The following VTI1A variants were observed in gnomAD, a reference collection of about 807,000 sequenced individuals.
The protein encoded by VTI1A is vesicle transport through interaction with t-SNAREs 1A, also known as vesicle transport through interaction with t-SNAREs homolog 1A.
In VTI1A, 22 loss-of-function variants were observed where a neutral mutation model predicts 34.9. The ratio of observed to expected loss-of-function variants is 0.63; its 90% CI spans 0.45 to 0.90. VTI1A has a LOEUF of 0.90. Ranked by LOEUF, VTI1A falls within the 40% of genes least tolerant of loss-of-function variation. VTI1A has a pLI of 0.00. For synonymous variants in VTI1A, 87 were observed against 97.3 expected (o/e 0.89, Z 0.62); for missense variants, 268 against 275.6 (o/e 0.97, Z 0.20).
the VTI1A span, among the ~76,000 whole-genome samples, chr10:112,834,826 A>T: frequency 6.6e-6 from 1 of 152,182 alleles, no homozygotes. Context: ...GTTGGACTAA[A>T]ATAGCAAATG....
intron 5 of VTI1A, among the ~76,000 whole-genome samples, chr10:112,587,773 G>C (rs189634965): frequency 6.6e-6 from 1 of 152,100 alleles, no homozygotes; most frequent in East Asian, 1.9e-4. Context: ...TTTTCATAAA[G>C]GTTTTTTCCC....
At chr10:112,551,173 A>AG (rs1205362530) in intron 5 of VTI1A, among the ~76,000 whole-genome samples, 1 of 142,132 alleles carries the variant, frequency 7.0e-6, no homozygotes, top group East Asian at 2.2e-4. Context: ...GAACCCGGCG[A>AG]GCGGAGCTTG....
chr10:112,468,944 TG>T (rs532558175), intron 3 of VTI1A, among the ~76,000 whole-genome samples: 37 of 152,324 alleles, frequency 2.4e-4, no homozygotes, highest in Admixed American at 1.2e-3. Context: ...AAAGCCTTCA[TG>T]GTTTCTCTAT....
chr10:112,554,343 A>G (rs1480715264), intron 5 of VTI1A, among the ~76,000 whole-genome samples: 1 of 152,212 alleles, frequency 6.6e-6, no homozygotes, highest in African/African-American at 2.4e-5. Flanking sequence ...GGAATCCTGG[A>G]ACAGAAAAAG....
At chr10:112,657,835 A>G (rs978204779) in intron 5 of VTI1A, among the ~76,000 whole-genome samples, 3 of 150,140 alleles carry the variant, frequency 2.0e-5, no homozygotes, top group Admixed American at 1.3e-4. Flanking sequence ...GTGTGTATAT[A>G]TATGCCTTAA....
chr10:112,612,683 C>T (rs1045762005), intron 5 of VTI1A, among the ~76,000 whole-genome samples: 5 of 152,156 alleles, frequency 3.3e-5, no homozygotes, highest in Non-Finnish European at 5.9e-5. Context: ...CTCAGCCTCC[C>T]AAAGCACTGG....
intron 7 of VTI1A, among the ~76,000 whole-genome samples, chr10:112,673,960 T>C (rs1397632221): frequency 6.6e-6 from 1 of 152,214 alleles, no homozygotes; most frequent in Non-Finnish European, 1.5e-5. Flanking sequence ...CTCCTTCATT[T>C]TGCCCAGGAA....
rs199564549 is a variant in VTI1A, at chr10:112,668,201, A to C, written c.428-17A>C. The C allele has an allele frequency of 6.2e-7, 1 of 1,610,782 alleles. No individual in the cohort carries two copies. Among genetic ancestry groups the C allele is most frequent in the African/African-American group, 1.3e-5 (1 of 74,750 alleles). On this transcript the variant is annotated splice_polypyrimidine_tract_variant and intron_variant, in intron 5 of 7. Transcript: ENST00000393077. ...ACTCCAAGTCATTTTTCCTCACTCA[A>C]ATTTTCTTTTCCGTAGAGCAAATTG...
chr10:112,581,349 G>A (rs1843928054), intron 5 of VTI1A, among the ~76,000 whole-genome samples: 1 of 152,140 alleles, frequency 6.6e-6, no homozygotes, highest in African/African-American at 2.4e-5. Context: ...AGGCCTTGTG[G>A]TTTCCCACGC....
At chr10:112,654,994 A>G (rs1847175974) in intron 5 of VTI1A, among the ~76,000 whole-genome samples, 1 of 152,226 alleles carries the variant, frequency 6.6e-6, no homozygotes, top group South Asian at 2.1e-4. Context: ...TTACAAAAAC[A>G]GGCCACAGGC....
chr10:112,494,174 T>C (rs926928772), intron 3 of VTI1A, among the ~76,000 whole-genome samples: 2 of 152,154 alleles, frequency 1.3e-5, no homozygotes, highest in East Asian at 1.9e-4. Context: ...TTTTATAATT[T>C]ATAGATTTCT....
intron 1 of VTI1A, among the ~76,000 whole-genome samples, chr10:112,458,698 G>A (rs974280780): frequency 6.0e-5 from 9 of 150,362 alleles, no homozygotes; most frequent in East Asian, 3.9e-4. Context: ...ACAGAGTCCC[G>A]CACTGTTGCC....
intron 5 of VTI1A, among the ~76,000 whole-genome samples, chr10:112,573,934 T>TC (rs1225722867): frequency 5.3e-5 from 8 of 152,168 alleles, no homozygotes; most frequent in African/African-American, 1.7e-4. Context: ...TACTTTGTCT[T>TC]CCCCCAGAAG....
At chr10:112,589,018 CTTTTTTTT>C (rs3057340) in intron 5 of VTI1A, among the ~76,000 whole-genome samples, 1 of 129,268 alleles carries the variant, frequency 7.7e-6, no homozygotes, top group East Asian at 2.3e-4. Flanking sequence ...GACTCCTTGT[CTTTTTTTT>C]TTTTTTTTTT....
chr10:112,815,562 G>T lies in VTI1A; in HGVS notation c.*179G>T, dbSNP rs894362502. 2.0e-4 allele frequency: 121 copies of T among 594,564 alleles called. 1 individual carries two copies. The highest frequency in any genetic ancestry group is 1.4e-4 in the Non-Finnish European group (47 of 334,756). 36.8% of individuals were successfully genotyped at this position (594,564 alleles called of 1,614,324 possible). A position where few individuals can be genotyped will look rare whatever the true frequency, so the allele number is the denominator to read the frequency against. The stretch of plus-strand genomic sequence containing the variant: ...TATTTTCTATTCCTGTTTGCATGTG[G>T]GTTGGTTTCCTTTTCGAGGTTTGTC... On this transcript the variant is annotated 3_prime_UTR_variant, in exon 8 of 8. Coordinates refer to ENST00000393077, the MANE Select transcript of VTI1A (RefSeq NM_145206.4).
chr10:112,458,962 G>C (rs556661011), intron 1 of VTI1A, among the ~76,000 whole-genome samples: 163 of 152,210 alleles, frequency 1.1e-3, no homozygotes, highest in Middle Eastern at 3.4e-3. Context: ...CACCGCGCCC[G>C]GCCAGTGAAA....
the VTI1A span, among the ~76,000 whole-genome samples, chr10:112,846,368 G>T: frequency 2.0e-5 from 3 of 152,316 alleles, no homozygotes; most frequent in Admixed American, 2.0e-4. Context: ...GCACAAGCAC[G>T]CACTGTTGAT....
At chr10:112,585,629 G>A (rs1292993956) in intron 5 of VTI1A, among the ~76,000 whole-genome samples, 1 of 148,598 alleles carries the variant, frequency 6.7e-6, no homozygotes, top group Non-Finnish European at 1.5e-5. Context: ...CTGGCATCAA[G>A]TGGTACAGAG....
At chr10:112,679,757 A>G (rs1025213072) in intron 7 of VTI1A, among the ~76,000 whole-genome samples, 1 of 151,288 alleles carries the variant, frequency 6.6e-6, no homozygotes, top group Admixed American at 6.6e-5. Context: ...TGATTTTGTG[A>G]TGAGGGGAAA....
Sources: gnomAD v4.1 joint callset for allele counts (sites outside exome capture counted in the v4.1 genomes callset) on GRCh38, gnomAD v4.1.1 for gene constraint, MANE v1.5 for transcripts, NCBI Gene and HGNC (gene_info 2026-07-23, HGNC 2026-07-21) for gene names.